Variants in NTMT1 observed in about 807,000 individuals in gnomAD.
NTMT1 encodes N-terminal RCC1 methyltransferase.
In NTMT1, 8 loss-of-function variants were observed where a neutral mutation model predicts 17.5. The ratio of observed to expected loss-of-function variants is 0.46; its 90% CI spans 0.27 to 0.82. The LOEUF is 0.82. Among genes scored for constraint, NTMT1 ranks in the 40% least tolerant of loss-of-function variants. The pLI, the probability that NTMT1 is intolerant of heterozygous loss-of-function variation, is 0.15. For synonymous variants in NTMT1, 128 were observed against 126.8 expected, an observed-to-expected ratio of 1.01 and a Z score of -0.06; for missense variants, 221 against 303.5, an observed-to-expected ratio of 0.73 and a Z score of 2.02.
In NTMT1 at chr9:129,626,212, G is replaced by A. The variant is rs974849465; in HGVS notation, c.-138G>A. 4 of 152,184 alleles carry A rather than the reference G, an allele frequency of 2.6e-5. No individual in the cohort carries two copies. Among genetic ancestry groups the A allele is most frequent in the Admixed American group, 1.3e-4 (2 of 15,280 alleles). The allele number at this position is 152,184 out of a possible 1,614,324, so 9.4% of individuals were successfully genotyped here. ...CTGGTCGTGGTCTGGCGGAGCTGCG[G>A]TTGGCTTGTGGCGTCTCCGCCGCCG... On this transcript the variant is annotated 5_prime_UTR_variant, in exon 1 of 4. Coordinates refer to ENST00000372483, the MANE Select transcript of NTMT1 (RefSeq NM_014064.4).
At chr9:129,630,078 G>A (rs755582523) in intron 1 of NTMT1, among the ~76,000 whole-genome samples, 4 of 152,250 alleles carry the variant, frequency 2.6e-5, no homozygotes, top group Non-Finnish European at 5.9e-5. Flanking sequence ...CTGGCTGGGC[G>A]GGGTGGGCCT....
At chr9:129,612,265 AT>A (rs1830129978) in intron 1 of NTMT1, 3 of 1,198,594 alleles carry the variant, frequency 2.5e-6, no homozygotes, top group Non-Finnish European at 3.6e-6. Context: ...GCCACCTGGG[AT>A]GTGCCTTTAT....
chr9:129,628,968 T>A (rs1831017362), intron 1 of NTMT1, among the ~76,000 whole-genome samples: 1 of 152,128 alleles, frequency 6.6e-6, no homozygotes. Flanking sequence ...GCCAGCATGG[T>A]GTGGAAGAGT....
chr9:129,612,461 T>C (rs1830139754), intron 1 of NTMT1: 1 of 1,608,964 alleles, frequency 6.2e-7, no homozygotes, highest in Non-Finnish European at 8.5e-7. Flanking sequence ...ACTCCTAGAG[T>C]GAGACAGAGG....
intron 1 of NTMT1, among the ~76,000 whole-genome samples, chr9:129,627,607 A>G (rs141197480): frequency 1.5e-3 from 228 of 152,346 alleles, no homozygotes; most frequent in Middle Eastern, 3.4e-3. Flanking sequence ...CTGTGCTTAC[A>G]CAGCAGGTGT....
Position 129,635,505 on chromosome 9 carries a change from T to TG in NTMT1, c.*47dup, listed in dbSNP as rs775408144. 5 of 1,576,922 alleles carry TG rather than the reference T, an allele frequency of 3.2e-6. No individual in the cohort carries two copies. The highest frequency in any genetic ancestry group is 2.3e-5 in the South Asian group (2 of 86,708). Reference sequence around the variant, plus strand: ...AGAAACTGAGGAACCACAGTCCTGGTGGGGGGAGCTGGCAGCTGGGCAAGA... The same window carrying TG: ...AGAAACTGAGGAACCACAGTCCTGGTGGGGGGGAGCTGGCAGCTGGGCAAGA... On this transcript the variant is annotated 3_prime_UTR_variant, in exon 4 of 4. Transcript: ENST00000372483.
chr9:129,633,967 T>G, intron 2 of NTMT1, 87 bp from the exon 3 acceptor site: 2 of 1,457,686 alleles, frequency 1.4e-6, no homozygotes, highest in Non-Finnish European at 1.8e-6. Context: ...GAATCCTGAC[T>G]TGAGTCTAAG....
Position 129,613,048 on chromosome 9 carries a change from G to A in NTMT1, c.-55+3870G>A, listed in dbSNP as rs1830165140. Reference sequence around the variant, plus strand: ...TCCACCAAACAGGGCTGCTCCCGGAGCCAGCTGCCAGCAGGGGCTCACCAG... The same window carrying A: ...TCCACCAAACAGGGCTGCTCCCGGAACCAGCTGCCAGCAGGGGCTCACCAG... On this transcript the variant is annotated intron_variant, in intron 1 of 3. Coordinates refer to the NTMT1 transcript ENST00000372486. The surrounding 1 kb of genome is among the most constrained non-coding windows in gnomAD (Gnocchi z 6.2). 1.9e-6 allele frequency: 3 copies of A among 1,604,200 alleles called. No individual in the cohort carries two copies. The highest frequency in any genetic ancestry group is 2.2e-5 in the South Asian group (2 of 89,954).
At chr9:129,633,404 C>A in intron 2 of NTMT1, 1 of 195,160 alleles carries the variant, frequency 5.1e-6, no homozygotes, top group Admixed American at 6.0e-5. Context: ...CCTTGTTCAC[C>A]TGTTGCCCCG....
intron 1 of NTMT1, among the ~76,000 whole-genome samples, chr9:129,610,136 C>G (rs1041595405): frequency 5.2e-4 from 75 of 144,124 alleles, no homozygotes; most frequent in South Asian, 1.8e-3. Context: ...GCGCAGGGAG[C>G]GGACAGGAGC....
chr9:129,615,277 C>CTTGG (rs1416782976), intron 1 of NTMT1, among the ~76,000 whole-genome samples: 2 of 152,194 alleles, frequency 1.3e-5, no homozygotes, highest in African/African-American at 4.8e-5. Flanking sequence ...GGAACACCTC[C>CTTGG]ACTGGACTCT....
intron 1 of NTMT1, among the ~76,000 whole-genome samples, chr9:129,629,689 C>T (rs751456527): frequency 2.6e-4 from 39 of 152,188 alleles, no homozygotes; most frequent in Non-Finnish European, 4.0e-4. Flanking sequence ...CCTCCCCAGC[C>T]TGTTACCCCA....
intron 1 of NTMT1, among the ~76,000 whole-genome samples, chr9:129,629,546 C>G (rs1018393103): frequency 5.9e-5 from 9 of 152,128 alleles, no homozygotes; most frequent in Admixed American, 5.9e-4. Flanking sequence ...GTATTTTTGA[C>G]AGAGATGGGG....
chr9:129,616,706 T>C (rs1830407434), intron 1 of NTMT1, among the ~76,000 whole-genome samples: 1 of 152,234 alleles, frequency 6.6e-6, no homozygotes, highest in Non-Finnish European at 1.5e-5. Flanking sequence ...GGACGTGGCC[T>C]GGCACAGGGT....
chr9:129,610,418 C>G (rs1363838627), intron 1 of NTMT1, among the ~76,000 whole-genome samples: 1 of 151,920 alleles, frequency 6.6e-6, no homozygotes, highest in Non-Finnish European at 1.5e-5. Flanking sequence ...GTGCTCGGCG[C>G]TGCCGCACGG....
intron 1 of NTMT1, among the ~76,000 whole-genome samples, chr9:129,628,019 A>G (rs551879711): frequency 1.3e-5 from 2 of 152,340 alleles, no homozygotes; most frequent in East Asian, 3.9e-4. Context: ...GATCACATTT[A>G]CTGGCTGAGC....
At chr9:129,627,732 A>G (rs1830966158) in intron 1 of NTMT1, among the ~76,000 whole-genome samples, 1 of 152,146 alleles carries the variant, frequency 6.6e-6, no homozygotes, top group Non-Finnish European at 1.5e-5. Flanking sequence ...TCTTTTTCTT[A>G]GAGCACTCTG....
Position 129,620,683 on chromosome 9 carries a change from G to T in NTMT1, c.-55+11505G>T. 1 of 1,050,660 alleles carries T rather than the reference G, an allele frequency of 9.5e-7. No homozygotes were observed. The highest frequency in any genetic ancestry group is 1.2e-6 in the Non-Finnish European group (1 of 822,860). 65.1% of individuals were successfully genotyped at this position (1,050,660 alleles called of 1,614,324 possible). A position where few individuals can be genotyped will look rare whatever the true frequency, so the allele number is the denominator to read the frequency against. On this transcript the variant is annotated intron_variant, in intron 1 of 3. Coordinates refer to the NTMT1 transcript ENST00000372486. This position sits in a 1 kb window ranked among gnomAD's most constrained non-coding sequence, Gnocchi z 5.8. ...CCCAGGCCATAGTGCCCCGGGCGGGGCAGCGCGGTGCGGGGTGAACGCCAC... is the reference window on the plus strand; with the variant it reads ...CCCAGGCCATAGTGCCCCGGGCGGGTCAGCGCGGTGCGGGGTGAACGCCAC...
chr9:129,634,520 G>A, intron 3 of NTMT1: 1 of 484,152 alleles, frequency 2.1e-6, no homozygotes, highest in South Asian at 4.5e-5. Flanking sequence ...TTTTGTTTCA[G>A]TTGAATACCT....
Sources: allele counts gnomAD v4.1 joint callset (sites outside exome capture counted in the v4.1 genomes callset), GRCh38; gene constraint gnomAD v4.1.1; non-coding constraint Gnocchi (gnomAD v3.1); transcripts MANE v1.5; gene names NCBI Gene and HGNC (gene_info 2026-07-23, HGNC 2026-07-21).